Variants in CDH18 observed in about 807,000 individuals in gnomAD.
CDH18 encodes cadherin 18, also known as cadherin-18.
CDH18 carries 31 observed loss-of-function variants against 67.9 expected under a neutral mutation model. That is an observed-to-expected ratio of 0.46 (90% confidence interval 0.34 to 0.62). The LOEUF (loss-of-function observed/expected upper bound fraction) is 0.62, where lower values mean the gene tolerates loss of function less well. CDH18 is among the 20% of genes least tolerant of loss of function. The pLI, the probability that CDH18 is intolerant of heterozygous loss-of-function variation, is 0.01. For synonymous variants in CDH18, 362 were observed against 347.2 expected (o/e 1.04, Z -0.48); for missense variants, 890 against 975.5 (o/e 0.91, Z 1.17).
chr5:19,650,519 T>C (rs1755417711), intron 5 of CDH18, among the ~76,000 whole-genome samples: 1 of 152,072 alleles, frequency 6.6e-6, no homozygotes, highest in African/African-American at 2.4e-5. Context: ...CCCTACATTG[T>C]CTGAGCTAAT....
intron 2 of CDH18, among the ~76,000 whole-genome samples, chr5:19,994,332 T>TGTATACATATATACATATAC (rs1561695162): frequency 3.2e-4 from 49 of 151,402 alleles, no homozygotes; most frequent in African/African-American, 5.6e-4. Flanking sequence ...TATACATATA[T>TGTATACATATATACATATAC]TTATACACCT....
At chr5:20,227,189 T>A (rs1741701904) in intron 2 of CDH18, among the ~76,000 whole-genome samples, 1 of 152,104 alleles carries the variant, frequency 6.6e-6, no homozygotes, top group African/African-American at 2.4e-5. Flanking sequence ...TTTATTTGCA[T>A]AGCTCCTACA....
chr5:19,892,705 C>A (rs926959326), intron 2 of CDH18, among the ~76,000 whole-genome samples: 1 of 152,030 alleles, frequency 6.6e-6, no homozygotes, highest in African/African-American at 2.4e-5. Context: ...ATCACACGGA[C>A]ATTCAAGCAG....
intron 2 of CDH18, among the ~76,000 whole-genome samples, chr5:19,915,517 G>A (rs1791666820): frequency 6.6e-6 from 1 of 152,026 alleles, no homozygotes; most frequent in African/African-American, 2.4e-5. Flanking sequence ...TTGACTGGAA[G>A]CCTTCCTGAT....
chr5:19,841,305 G>T (rs546830273), intron 2 of CDH18, among the ~76,000 whole-genome samples: 2 of 152,236 alleles, frequency 1.3e-5, no homozygotes, highest in Admixed American at 1.3e-4. Context: ...ATATAAGAGA[G>T]AGCAATACTA....
At chr5:20,125,954 A>G (rs748348703) in intron 2 of CDH18, among the ~76,000 whole-genome samples, 1 of 152,196 alleles carries the variant, frequency 6.6e-6, no homozygotes, top group Non-Finnish European at 1.5e-5. Flanking sequence ...ACAGAAATAG[A>G]AAAAGAAATT....
intron 2 of CDH18, among the ~76,000 whole-genome samples, chr5:20,051,185 A>G (rs1741387792): frequency 6.6e-6 from 1 of 151,940 alleles, no homozygotes; most frequent in Non-Finnish European, 1.5e-5. Flanking sequence ...TTGAAACTTA[A>G]AGCATAAATT....
intron 3 of CDH18, among the ~76,000 whole-genome samples, chr5:19,766,773 T>C (rs1164604867): frequency 6.6e-6 from 1 of 152,162 alleles, no homozygotes; most frequent in Non-Finnish European, 1.5e-5. Flanking sequence ...TAGTTTCTAT[T>C]TATCTGCCCG....
intron 1 of CDH18, among the ~76,000 whole-genome samples, chr5:20,332,988 A>AGCC (rs1306073604): frequency 6.6e-6 from 1 of 152,172 alleles, no homozygotes; most frequent in Non-Finnish European, 1.5e-5. Flanking sequence ...TCCAGAGAAA[A>AGCC]GCCACACAGA....
chr5:20,090,252 G>A (rs1745304218), intron 2 of CDH18, among the ~76,000 whole-genome samples: 1 of 152,142 alleles, frequency 6.6e-6, no homozygotes. Flanking sequence ...AACAGTAAAT[G>A]TGGGCAGGGC....
intron 1 of CDH18, among the ~76,000 whole-genome samples, chr5:20,573,619 T>C (rs76840092): frequency 6.6e-6 from 1 of 150,762 alleles, no homozygotes; most frequent in African/African-American, 2.4e-5. Context: ...AATACAATTA[T>C]TAAAAGCAAT....
chr5:20,024,752 CA>C (rs1232865751), intron 2 of CDH18, among the ~76,000 whole-genome samples: 2 of 152,030 alleles, frequency 1.3e-5, no homozygotes, highest in East Asian at 3.9e-4. Context: ...AGGAGTCTAA[CA>C]AGGAGATGAA....
intron 2 of CDH18, among the ~76,000 whole-genome samples, chr5:20,249,870 T>G (rs1270453697): frequency 6.6e-6 from 1 of 152,178 alleles, no homozygotes; most frequent in Admixed American, 6.5e-5. Context: ...AGTGTGAACA[T>G]TCTTCAGAAA....
chr5:19,513,706 G>A (rs764351205), intron 10 of CDH18, among the ~76,000 whole-genome samples: 1 of 151,858 alleles, frequency 6.6e-6, no homozygotes, highest in Non-Finnish European at 1.5e-5. Context: ...TAAATTTCCT[G>A]TTAGTTATGG....
intron 1 of CDH18, among the ~76,000 whole-genome samples, chr5:20,437,328 TAG>T (rs1339123957): frequency 6.6e-6 from 1 of 151,312 alleles, no homozygotes; most frequent in Non-Finnish European, 1.5e-5. Context: ...TAGAATAAAA[TAG>T]ACTCTTGCTT....
chr5:19,643,362 T>C (rs1754300925), intron 5 of CDH18, among the ~76,000 whole-genome samples: 1 of 152,060 alleles, frequency 6.6e-6, no homozygotes, highest in Non-Finnish European at 1.5e-5. Context: ...AATCAATATT[T>C]TGAGAAGATA....
chr5:19,994,701 GTATATATATA>G lies in CDH18; in HGVS notation c.-517-2697_-517-2688del, dbSNP rs1166254040. Among the ~76,000 whole-genome samples the G allele has an allele frequency of 7.5e-3, 168 of 22,448 alleles. 2 individuals are homozygous for G. The highest frequency in any genetic ancestry group is 0.014 in the East Asian group (10 of 738). 14.7% of individuals were successfully genotyped at this position (22,448 alleles called of 152,430 possible). A position where few individuals can be genotyped will look rare whatever the true frequency, so the allele number is the denominator to read the frequency against. On this transcript the variant is annotated intron_variant, in intron 2 of 14. Coordinates refer to the CDH18 transcript ENST00000507958. The stretch of plus-strand genomic sequence containing the variant: ...CCAAGTCAAATGCTAACCTCTTCCA[GTATATATATA>G]TATATATATATATATATATATATAT...
chr5:20,352,784 C>T (rs1181985382), intron 1 of CDH18, among the ~76,000 whole-genome samples: 1 of 151,768 alleles, frequency 6.6e-6, no homozygotes, highest in Non-Finnish European at 1.5e-5. Flanking sequence ...TAGAGAGAGA[C>T]TCTGTCTCAA....
chr5:19,943,229 A>G (rs112125484), intron 2 of CDH18, among the ~76,000 whole-genome samples: 3 of 152,270 alleles, frequency 2.0e-5, no homozygotes, highest in African/African-American at 7.2e-5. Flanking sequence ...GAATCAGAGA[A>G]GTTAAAGGAT....
Sources: allele counts gnomAD v4.1 joint callset (sites outside exome capture counted in the v4.1 genomes callset), GRCh38; gene constraint gnomAD v4.1.1; transcripts MANE v1.5; gene names NCBI Gene and HGNC (gene_info 2026-07-23, HGNC 2026-07-21).